ZNF565: variants seen among roughly 807,000 people sequenced by gnomAD.
ZNF565 encodes zinc finger protein 565.
In ZNF565, 27 loss-of-function variants were observed where a neutral mutation model predicts 39.4. The observed-to-expected ratio is 0.69, with a 90% CI of 0.51 to 0.95. The LOEUF (loss-of-function observed/expected upper bound fraction) is 0.95, where lower values mean the gene tolerates loss of function less well. Ranked by LOEUF, ZNF565 falls within the 40% of genes least tolerant of loss-of-function variation. The pLI, the probability that ZNF565 is intolerant of heterozygous loss-of-function variation, is 0.00. For synonymous variants in ZNF565, 185 were observed against 216.6 expected (o/e 0.85, Z 1.28); for missense variants, 524 against 621.1 (o/e 0.84, Z 1.66).
At chr19:36,227,379 G>C (rs909547404) in intron 1 of ZNF565, among the ~76,000 whole-genome samples, 4 of 144,550 alleles carry the variant, frequency 2.8e-5, no homozygotes, top group Non-Finnish European at 6.0e-5. Flanking sequence ...AACAGAACGA[G>C]TCTCTGTCAC....
In ZNF565 at chr19:36,183,405, T is replaced by C. The variant is rs150489601; in HGVS notation, c.561A>G (p.Lys187=). Residue 187 remains lysine (K), a synonymous_variant, in exon 5 of 5, where the codon AAA becomes AAG. Coordinates refer to ENST00000304116, the MANE Select transcript of ZNF565 (RefSeq NM_152477.5). ...CAAAGGGTTTTTCACCAGTGTGAAT[T>C]TTCTGATGTTGAATAAGGTGTGAGC... ...SRGSHLIQHQ[K]IHTGEKPFGC... The C allele has an allele frequency of 9.3e-6, 15 of 1,608,240 alleles. No homozygotes were observed. Among genetic ancestry groups the C allele is most frequent in the East Asian group, 2.2e-5 (1 of 44,850 alleles).
At chr19:36,196,874 A>T (rs900064564) in intron 2 of ZNF565, among the ~76,000 whole-genome samples, 4 of 151,904 alleles carry the variant, frequency 2.6e-5, no homozygotes, top group Admixed American at 6.6e-5. Context: ...CCTGGCCAAC[A>T]TGGCGAAATC....
At chr19:36,234,354 A>ACT (rs36116349) in intron 1 of ZNF565, among the ~76,000 whole-genome samples, 39,349 of 151,680 alleles carry the variant, frequency 0.26, 5,494 homozygotes, top group African/African-American at 0.37. Flanking sequence ...ACAGAGCAAG[A>ACT]CTGTCTCAAA....
chr19:36,241,206 T>G (rs8106135), intron 1 of ZNF565, among the ~76,000 whole-genome samples: 39,458 of 152,062 alleles, frequency 0.26, 5,525 homozygotes, highest in African/African-American at 0.37. Context: ...AAAAATGATG[T>G]CGGGGGCAGT....
chr19:36,201,890 A>G, intron 2 of ZNF565, 87 bp downstream of exon 2: 3 of 1,493,816 alleles, frequency 2.0e-6, no homozygotes, highest in South Asian at 2.4e-5. Flanking sequence ...AGAAGGATAC[A>G]GGGAAGTTCC....
chr19:36,199,739 C>T (rs1365271946), intron 2 of ZNF565, among the ~76,000 whole-genome samples: 6 of 152,130 alleles, frequency 3.9e-5, no homozygotes, highest in African/African-American at 1.2e-4. Flanking sequence ...TGGTCTTGTA[C>T]TCCTGAGCTC....
chr19:36,241,484 T>TAAA (rs34534450), intron 1 of ZNF565, among the ~76,000 whole-genome samples: 2 of 109,450 alleles, frequency 1.8e-5, no homozygotes, highest in South Asian at 3.0e-4. Context: ...GACTCTGTAT[T>TAAA]AAAAAAAAAA....
chr19:36,198,030 T>G (rs1164700850), intron 2 of ZNF565, among the ~76,000 whole-genome samples: 3 of 151,736 alleles, frequency 2.0e-5, no homozygotes, highest in Non-Finnish European at 4.4e-5. Context: ...GCGCCTGTAA[T>G]CCCAGCTACT....
chr19:36,221,927 CTTTTTTT>C (rs60347994), intron 1 of ZNF565, among the ~76,000 whole-genome samples: 123 of 109,886 alleles, frequency 1.1e-3, no homozygotes, highest in Admixed American at 4.9e-3. Context: ...TTTTTTCTTT[CTTTTTTT>C]TTTTTTTTTT....
upstream of ZNF565, among the ~76,000 whole-genome samples, chr19:36,218,769 TA>T (rs1320852932): frequency 7.2e-6 from 1 of 139,520 alleles, no homozygotes; most frequent in East Asian, 2.3e-4. Flanking sequence ...GCGCCCGGCC[TA>T]ATATTTCTAT....
upstream of ZNF565, among the ~76,000 whole-genome samples, chr19:36,216,866 G>A (rs116615170): frequency 0.69 from 103,840 of 150,718 alleles, 35,879 homozygotes; most frequent in African/African-American, 0.74. Context: ...TCACACCTGT[G>A]AGCCAAGGCA....
At chr19:36,231,766 A>G (rs1460970811) in intron 1 of ZNF565, among the ~76,000 whole-genome samples, 3 of 152,120 alleles carry the variant, frequency 2.0e-5, no homozygotes, top group Non-Finnish European at 4.4e-5. Context: ...TCAAGCCTTA[A>G]AAAGACACAC....
chr19:36,201,622 G>A (rs966984291), intron 2 of ZNF565, among the ~76,000 whole-genome samples: 9 of 152,056 alleles, frequency 5.9e-5, no homozygotes, highest in African/African-American at 2.2e-4. Context: ...CTACAGGTGT[G>A]TGGTACCATG....
chr19:36,192,703 T>G (rs1483886243), intron 4 of ZNF565, among the ~76,000 whole-genome samples: 2 of 151,978 alleles, frequency 1.3e-5, no homozygotes, highest in Non-Finnish European at 2.9e-5. Context: ...GGTTTTACCA[T>G]GTTGGCCAGG....
intron 1 of ZNF565, among the ~76,000 whole-genome samples, chr19:36,220,630 C>T (rs10407835): frequency 0.26 from 39,337 of 151,722 alleles, 5,510 homozygotes; most frequent in African/African-American, 0.37. Flanking sequence ...CCTCCCAAAG[C>T]GCTGGGATTA....
At chr19:36,187,137 C>T (rs902804281) in intron 4 of ZNF565, among the ~76,000 whole-genome samples, 4 of 151,810 alleles carry the variant, frequency 2.6e-5, no homozygotes, top group Non-Finnish European at 4.4e-5. Flanking sequence ...TTGCGGTGAG[C>T]CAATATCGTG....
In ZNF565 at chr19:36,212,744, T is replaced by TA. The variant is rs201912888; in HGVS notation, c.-66+1877dup. On this transcript the variant is annotated intron_variant, in intron 1 of 4. Coordinates refer to ENST00000304116, the MANE Select transcript of ZNF565 (RefSeq NM_152477.5). ...AGGTATGCAGGGAGCAGGGAGGATA[T>TA]AGGCCTTTCAGTCCATCTCCAAGGC... is the stretch of plus-strand genomic sequence containing the variant. Among the ~76,000 whole-genome samples the TA allele has an allele frequency of 2.6e-3, 402 of 152,206 alleles. 3 individuals carry two copies. The highest frequency in any genetic ancestry group is 9.0e-3 in the African/African-American group (372 of 41,530).
chr19:36,207,361 G>C (rs1209556905), intron 1 of ZNF565, among the ~76,000 whole-genome samples: 1 of 152,070 alleles, frequency 6.6e-6, no homozygotes, highest in Non-Finnish European at 1.5e-5. Context: ...CTGGTCAACA[G>C]AAGCCCTGTT....
In ZNF565 at chr19:36,183,807, C is replaced by A. The variant is rs979193938; in HGVS notation, c.233-74G>T. 1.5e-5 allele frequency: 21 copies of A among 1,369,606 alleles called. 1 individual carries two copies. Among genetic ancestry groups the A allele is most frequent in the Middle Eastern group, 4.4e-4 (2 of 4,530 alleles). 84.8% of individuals were successfully genotyped at this position (1,369,606 alleles called of 1,614,324 possible). ...GAAATAAAAAATTCTATAGTAGAGGCCAGGCACGGTGGCTCACATCTGTAA... is the reference window on the plus strand; with the variant it reads ...GAAATAAAAAATTCTATAGTAGAGGACAGGCACGGTGGCTCACATCTGTAA... On this transcript the variant is annotated intron_variant, in intron 4 of 4. Coordinates refer to ENST00000304116, the MANE Select transcript of ZNF565 (RefSeq NM_152477.5).
Sources: gnomAD v4.1 joint callset for allele counts (sites outside exome capture counted in the v4.1 genomes callset) on GRCh38, gnomAD v4.1.1 for gene constraint, MANE v1.5 for transcripts, NCBI Gene and HGNC (gene_info 2026-07-23, HGNC 2026-07-21) for gene names.